NDUFA13: variants seen among roughly 807,000 people sequenced by gnomAD.
The protein encoded by NDUFA13 is NADH:ubiquinone oxidoreductase subunit A13.
In NDUFA13, 16 loss-of-function variants were observed where a neutral mutation model predicts 17.0. That is an observed-to-expected ratio of 0.94 (90% CI 0.64 to 1.43). The LOEUF (loss-of-function observed/expected upper bound fraction) is 1.43, where lower values mean the gene tolerates loss of function less well. NDUFA13 is among the 40% of genes most tolerant of loss of function. NDUFA13 has a pLI of 0.00. For missense variants in NDUFA13, 228 were observed against 206.7 expected (o/e 1.10, Z -0.63); for synonymous variants, 87 against 78.4 (o/e 1.11, Z -0.58).
chr19:19,517,622 T>A (rs541984263), intron 1 of NDUFA13, among the ~76,000 whole-genome samples: 1 of 152,298 alleles, frequency 6.6e-6, no homozygotes, highest in South Asian at 2.1e-4. Flanking sequence ...AAAAACGTAA[T>A]AATTCAGACA....
intron 1 of NDUFA13, among the ~76,000 whole-genome samples, chr19:19,520,371 C>T (rs2061071313): frequency 6.6e-6 from 1 of 152,202 alleles, no homozygotes; most frequent in Non-Finnish European, 1.5e-5. Context: ...GTGGCTCATG[C>T]CTGTAATCTC....
In NDUFA13 at chr19:19,528,123, G is replaced by T. The variant is rs2144648595; in HGVS notation, c.432G>T (p.Thr144=). 2 of 1,611,502 alleles carry T rather than the reference G, an allele frequency of 1.2e-6. No homozygotes were observed. Among genetic ancestry groups the T allele is most frequent in the Non-Finnish European group, 1.7e-6 (2 of 1,179,950 alleles). Residue 144 remains threonine (T), a synonymous_variant, in exon 5 of 5, where the codon ACG becomes ACT. Transcript: ENST00000507754. ...CCAGCCACGGCTTCATGTGGTACAC[G>T]TAGGCCCTGTGCCCTCCGGCCACCT... ...LHASHGFMWY[T]
At chr19:19,527,648 G>C in intron 3 of NDUFA13, 53 bp from the exon 4 acceptor site, 1 of 1,453,484 alleles carries the variant, frequency 6.9e-7, no homozygotes, top group Non-Finnish European at 9.4e-7. Flanking sequence ...CCCTAGGCAG[G>C]GGCCCCTCAG....
intron 2 of NDUFA13, chr19:19,526,678 A>C: frequency 3.0e-6 from 1 of 334,074 alleles, no homozygotes; most frequent in Non-Finnish European, 5.9e-6. Flanking sequence ...ACCAGGCTCA[A>C]ACCAGACCAC....
At chr19:19,516,381 C>G (rs2144634326) in intron 1 of NDUFA13, 49 bp downstream of exon 1, 10 of 1,547,352 alleles carry the variant, frequency 6.5e-6, no homozygotes, top group Non-Finnish European at 8.0e-6. Context: ...ACTCGGGGCT[C>G]GGGGGCGGGG....
At chr19:19,524,127 A>G (rs2061090371) in intron 1 of NDUFA13, among the ~76,000 whole-genome samples, 2 of 152,144 alleles carry the variant, frequency 1.3e-5, no homozygotes, top group Non-Finnish European at 2.9e-5. Context: ...AACCAAAAAC[A>G]AAAAGAATGG....
In NDUFA13 at chr19:19,527,989, A is replaced by AC. The variant is rs1343330861; in HGVS notation, c.316-14dup. On this transcript the variant is annotated splice_polypyrimidine_tract_variant and intron_variant, in intron 4 of 4. Transcript: ENST00000507754. ...TATGGGTGGCTGTGCCTCTACCCAT[A>AC]CCCCACTGTCCCCACAGGTGGGGGA... 3 of 1,611,966 alleles carry AC rather than the reference A, an allele frequency of 1.9e-6. No homozygotes were observed. The highest frequency in any genetic ancestry group is 1.3e-5 in the African/African-American group (1 of 74,806).
intron 1 of NDUFA13, among the ~76,000 whole-genome samples, chr19:19,525,598 G>T (rs1484647476): frequency 6.6e-6 from 1 of 152,304 alleles, no homozygotes; most frequent in East Asian, 1.9e-4. Context: ...GACAGCCCAG[G>T]CCTCTCTGAA....
chr19:19,516,228 A>G lies in NDUFA13; in HGVS notation c.-11A>G, dbSNP rs2061047040. The G allele has an allele frequency of 8.1e-6, 13 of 1,613,988 alleles. No individual in the cohort carries two copies. The highest frequency in any genetic ancestry group is 1.1e-5 in the Non-Finnish European group (13 of 1,180,054). Reference sequence around the variant, plus strand: ...TTCCGCCCGGGACCGGAAGTGTGGGATACTGCGAGTATGGCGGCGTCAAAG... The same window carrying G: ...TTCCGCCCGGGACCGGAAGTGTGGGGTACTGCGAGTATGGCGGCGTCAAAG... On this transcript the variant is annotated 5_prime_UTR_variant, in exon 1 of 5. Transcript: ENST00000507754.
In NDUFA13 at chr19:19,525,836, C is replaced by T. The variant is rs187355806; in HGVS notation, c.95-346C>T. ...TGTGTGCAGCCCCCGCAGGGCAGCA[C>T]GCGGAACTGTGGCCCAGGTGGCCGG... On this transcript the variant is annotated intron_variant, in intron 1 of 4. Coordinates refer to ENST00000507754, the MANE Select transcript of NDUFA13 (RefSeq NM_015965.7). Among the ~76,000 whole-genome samples, 545 of 152,254 alleles carry T rather than the reference C, an allele frequency of 3.6e-3. 1 individual carries two copies. Among genetic ancestry groups the T allele is most frequent in the African/African-American group, 0.012 (507 of 41,560 alleles).
intron 2 of NDUFA13, 135 bp from the exon 3 acceptor site, chr19:19,527,146 G>GC: frequency 3.2e-6 from 3 of 929,538 alleles, no homozygotes; most frequent in East Asian, 2.6e-5. Flanking sequence ...CGCGACCCTC[G>GC]CCCTGCCCCC....
chr19:19,521,844 C>T (rs571911066), intron 1 of NDUFA13, among the ~76,000 whole-genome samples: 4 of 151,644 alleles, frequency 2.6e-5, no homozygotes, highest in South Asian at 4.2e-4. Context: ...CCTCGTGATC[C>T]GCCCGCCTCG....
In NDUFA13 at chr19:19,527,365, G is replaced by T. The variant is rs765764662; in HGVS notation, c.245+13G>T. 6.8e-6 allele frequency: 11 copies of T among 1,613,730 alleles called. No individual in the cohort carries two copies. Among genetic ancestry groups the T allele is most frequent in the Admixed American group, 1.7e-5 (1 of 60,030 alleles). ...AAACCGACCGGAGGTAGCACCGCAG[G>T]GGCCAAGGTTGGGAGGTCACTGGCC... On this transcript the variant is annotated intron_variant, in intron 3 of 4. Transcript: ENST00000507754.
chr19:19,527,360 C>A lies in NDUFA13; in HGVS notation c.245+8C>A, dbSNP rs746119313. On this transcript the variant is annotated splice_region_variant and intron_variant, in intron 3 of 4. Coordinates refer to ENST00000507754, the MANE Select transcript of NDUFA13 (RefSeq NM_015965.7). The stretch of plus-strand genomic sequence containing the variant: ...GGCAGAAACCGACCGGAGGTAGCAC[C>A]GCAGGGGCCAAGGTTGGGAGGTCAC... The A allele has an allele frequency of 6.2e-7, 1 of 1,613,726 alleles. No homozygotes were observed. The highest frequency in any genetic ancestry group is 1.1e-5 in the South Asian group (1 of 91,088).
intron 1 of NDUFA13, among the ~76,000 whole-genome samples, chr19:19,518,560 TTG>T (rs1166245877): frequency 6.9e-6 from 1 of 145,146 alleles, no homozygotes; most frequent in Non-Finnish European, 1.5e-5. Flanking sequence ...TTGTTGTTTT[TTG>T]TGTGTGTGTT....
In NDUFA13 at chr19:19,518,426, G is replaced by T. The variant is rs376463352; in HGVS notation, c.94+2094G>T. Reference sequence around the variant, plus strand: ...ATTTTTGTATTTTTAGTAGAGATGGGGTTTCACCATATTGGTCAGACTGGT... The same window carrying T: ...ATTTTTGTATTTTTAGTAGAGATGGTGTTTCACCATATTGGTCAGACTGGT... On this transcript the variant is annotated intron_variant, in intron 1 of 4. Transcript: ENST00000507754. Among the ~76,000 whole-genome samples, 319 of 151,938 alleles carry T rather than the reference G, an allele frequency of 2.1e-3. 2 individuals are homozygous for T. Among genetic ancestry groups the T allele is most frequent in the South Asian group, 0.016 (77 of 4,808 alleles).
At chr19:19,519,406 C>G (rs1454778290) in intron 1 of NDUFA13, among the ~76,000 whole-genome samples, 1 of 152,170 alleles carries the variant, frequency 6.6e-6, no homozygotes, top group Non-Finnish European at 1.5e-5. Context: ...CAGTGGCCCC[C>G]CCTGTGCCAG....
At chr19:19,521,408 TG>T (rs2061076831) in intron 1 of NDUFA13, among the ~76,000 whole-genome samples, 1 of 152,170 alleles carries the variant, frequency 6.6e-6, no homozygotes, top group Non-Finnish European at 1.5e-5. Flanking sequence ...TTTCAAGAGA[TG>T]GGGCCTCAGT....
intron 1 of NDUFA13, among the ~76,000 whole-genome samples, chr19:19,522,767 T>C (rs571981294): frequency 2.0e-5 from 3 of 152,310 alleles, no homozygotes; most frequent in East Asian, 3.9e-4. Context: ...CGTGAGCCAC[T>C]GCGCCCGGCA....
Sources: allele counts gnomAD v4.1 joint callset (sites outside exome capture counted in the v4.1 genomes callset), GRCh38; gene constraint gnomAD v4.1.1; transcripts MANE v1.5; gene names NCBI Gene and HGNC (gene_info 2026-07-23, HGNC 2026-07-21).